The following PER1 variants were observed in gnomAD, a reference collection of about 807,000 sequenced individuals.
PER1 encodes period circadian protein homolog 1.
A neutral mutation model predicts 125.9 loss-of-function variants in PER1; 87 were observed. That is an observed-to-expected ratio of 0.69 (90% CI 0.58 to 0.83). The LOEUF (loss-of-function observed/expected upper bound fraction) is 0.83. Ranked by LOEUF, PER1 falls within the 40% of genes least tolerant of loss-of-function variation. The pLI is 0.00. For missense variants in PER1, 1,775 were observed against 1,722.8 expected (o/e 1.03, Z -0.54); for synonymous variants, 801 against 714.7 (o/e 1.12, Z -1.93).
Position 8,147,457 on chromosome 17 carries a change from C to A in PER1, c.1497+13G>T. ...TTTTCTCACCTCCCAGGCTCCCTCT[C>A]CGCTACTCTCACCTGCAGCAGCAGC... is the stretch of plus-strand genomic sequence containing the variant. On this transcript the variant is annotated intron_variant, in intron 12 of 22. Transcript: ENST00000317276. 6.2e-7 allele frequency: 1 copy of A among 1,613,410 alleles called. No individual in the cohort carries two copies. Among genetic ancestry groups the A allele is most frequent in the Non-Finnish European group, 8.5e-7 (1 of 1,179,626 alleles).
chr17:8,143,075 TCAGA>T (rs930049491), intron 19 of PER1, among the ~76,000 whole-genome samples, 187 bp downstream of exon 19: 4 of 152,174 alleles, frequency 2.6e-5, no homozygotes, highest in South Asian at 4.1e-4. Context: ...TCACCACCTG[TCAGA>T]CAGACAGGAC....
intron 1 of PER1, among the ~76,000 whole-genome samples, chr17:8,151,928 G>T (rs147464466): frequency 7.2e-5 from 11 of 152,368 alleles, no homozygotes; most frequent in Non-Finnish European, 1.5e-4. Flanking sequence ...GGATGTTCTA[G>T]TCCGAAGTGG....
At position 8,141,853 on chromosome 17, in the gene PER1, C is replaced by G. The variant is rs149340460; in HGVS notation, c.3552G>C (p.Val1184=). 1.1e-5 allele frequency: 18 copies of G among 1,614,146 alleles called. No homozygotes were observed. The highest frequency in any genetic ancestry group is 8.3e-5 in the Admixed American group (5 of 60,020). The change falls in exon 22 of 23, where the codon GTG becomes GTC. Residue 1184 remains valine (V), a synonymous_variant. Transcript: ENST00000317276. ...GTTGGCCCTTCCGGACCCAGGAGTG[C>G]ACAGCACCCAGTTCCCGCCGCTGGT... ...SEDQRRELGA[V]HSWVRKGQLP...
rs1982421832 is a variant in PER1 at position 8,146,156 on chromosome 17, C to G, written c.2039-19G>C. On this transcript the variant is annotated intron_variant, in intron 16 of 22. Coordinates refer to ENST00000317276, the MANE Select transcript of PER1 (RefSeq NM_002616.3). Reference sequence around the variant, plus strand: ...GGCGGATCTGTGCAGAGAGATGGTGCCAGTTACCATCCCCACCCCCACTGG... The same window carrying G: ...GGCGGATCTGTGCAGAGAGATGGTGGCAGTTACCATCCCCACCCCCACTGG... The G allele has an allele frequency of 6.4e-7, 1 of 1,570,088 alleles. No homozygotes were observed. Among genetic ancestry groups the G allele is most frequent in the Non-Finnish European group, 8.6e-7 (1 of 1,157,742 alleles).
chr17:8,146,908 G>C lies in PER1; in HGVS notation c.1724C>G (p.Pro575Arg), dbSNP rs1161571117. ...CATCATCAACTCACCAGGGAGGCGG[G>C]GCCGGGACTGAGGCCGGGCCCGAGA... ...IESRARPQSR[P>R]RLPATGTFKA... The change falls in exon 14 of 23, where the codon CCC becomes CGC. Residue 575 changes from proline (P) to arginine (R), a missense_variant. Coordinates refer to ENST00000317276, the MANE Select transcript of PER1 (RefSeq NM_002616.3). The C allele has an allele frequency of 6.2e-7, 1 of 1,613,794 alleles. No individual in the cohort carries two copies. Among genetic ancestry groups the C allele is most frequent in the Non-Finnish European group, 8.5e-7 (1 of 1,179,882 alleles).
rs1185898390 is a variant in PER1 at position 8,147,577 on chromosome 17, C to G, written c.1390G>C (p.Ala464Pro). 1.9e-6 allele frequency: 3 copies of G among 1,613,110 alleles called. No homozygotes were observed. The highest frequency in any genetic ancestry group is 1.1e-5 in the South Asian group (1 of 91,040). ...FVLGRHKVRT[A>P]PLNEDVFTPP... ...GTGAACACGTCCTCATTCAGGGGGG[C>G]CCTGTAGAGTGAAGAGTGAATCCAG... Residue 464 changes from alanine (A) to proline (P), a missense_variant and splice_region_variant, in exon 12 of 23, where the codon GCC (alanine) becomes CCC (proline). Transcript: ENST00000317276.
At chr17:8,147,945 C>T (rs886204853) in intron 10 of PER1, 52 bp downstream of exon 10, 78 of 1,584,302 alleles carry the variant, frequency 4.9e-5, no homozygotes, top group Non-Finnish European at 6.7e-5. Flanking sequence ...CAAGGGCAGC[C>T]ACTCAAAAGC....
In PER1 at chr17:8,149,724, G is replaced by A. The variant is rs200671404; in HGVS notation, c.651+31C>T. 198 of 1,612,756 alleles carry A rather than the reference G, an allele frequency of 1.2e-4. No individual in the cohort carries two copies. The African/African-American group carries it at 1.8e-3, about 15-fold the overall frequency. On this transcript the variant is annotated intron_variant, in intron 5 of 22. Coordinates refer to ENST00000317276, the MANE Select transcript of PER1 (RefSeq NM_002616.3). ...GCTGTGGGAGAAGGAGTAGGGGTGC[G>A]TCGGGATGCAGAGGCCAGGCCGCCG...
rs780840406 is a variant in PER1 at position 8,146,531 on chromosome 17, G to A, written c.1908-29C>T. 10 of 1,607,034 alleles carry A rather than the reference G, an allele frequency of 6.2e-6. No homozygotes were observed. The South Asian group carries it at 1.0e-4, about 16-fold the overall frequency. On this transcript the variant is annotated intron_variant, in intron 15 of 22. Coordinates refer to ENST00000317276, the MANE Select transcript of PER1 (RefSeq NM_002616.3). Reference sequence around the variant, plus strand: ...GGGATGGACACAGCACAGGGCATCAGAGCAGGGCTTGGGGTGGGCAGGGTT... The same window carrying A: ...GGGATGGACACAGCACAGGGCATCAAAGCAGGGCTTGGGGTGGGCAGGGTT...
intron 22 of PER1, 101 bp downstream of exon 22, chr17:8,141,704 T>G (rs1226824481): frequency 9.7e-7 from 1 of 1,031,062 alleles, no homozygotes; most frequent in African/African-American, 2.3e-5. Context: ...GAACTTGAGC[T>G]CAATTCTTTT....
At chr17:8,145,143 T>C in intron 17 of PER1, 150 bp from the exon 18 acceptor site, 1 of 804,576 alleles carries the variant, frequency 1.2e-6, no homozygotes, top group South Asian at 4.2e-5. Context: ...CTTGGTCACC[T>C]CTCTGCCAAC....
rs1184450449 is a variant in PER1, at chr17:8,146,777, A to C, written c.1736-12T>G. ...GAACGTGCCTGTAGCTGGGGCAAAG[A>C]GAGAAAGAGGAAAATAGCCTTCTCA... On this transcript the variant is annotated splice_polypyrimidine_tract_variant and intron_variant, in intron 14 of 22. Coordinates refer to ENST00000317276, the MANE Select transcript of PER1 (RefSeq NM_002616.3). 3 of 1,608,886 alleles carry C rather than the reference A, an allele frequency of 1.9e-6. No homozygotes were observed. The highest frequency in any genetic ancestry group is 2.5e-6 in the Non-Finnish European group (3 of 1,177,946).
intron 15 of PER1, 45 bp downstream of exon 15, chr17:8,146,549 G>A: frequency 6.2e-7 from 1 of 1,602,686 alleles, no homozygotes; most frequent in Non-Finnish European, 8.5e-7. Flanking sequence ...CTTGGGGTGG[G>A]CAGGGTTAGA....
Position 8,142,721 on chromosome 17 carries a change from A to G in PER1, c.3187T>C (p.Leu1063=), listed in dbSNP as rs768964805. The G allele has an allele frequency of 4.3e-6, 7 of 1,614,034 alleles. No homozygotes were observed. In the Admixed American group the frequency reaches 5.0e-5, roughly 12 times the overall value. ...GACCCAGAGCCCAAGCCAGAGCCCA[A>G]GGAGCCCGAGGCTGCGGAGCCTGTG... ...SGTGSAASGS[L]GSGLGSGSGS... Residue 1063 remains leucine, a synonymous_variant, in exon 20 of 23, where the codon TTG becomes CTG. Transcript: ENST00000317276.
At position 8,144,861 on chromosome 17, in the gene PER1, G is replaced by C. The variant is rs1170636878; in HGVS notation, c.2351C>G (p.Ser784Cys). The C allele has an allele frequency of 5.0e-6, 8 of 1,584,386 alleles. No homozygotes were observed. The highest frequency in any genetic ancestry group is 1.7e-4 in the Middle Eastern group (1 of 5,958). ...TTGCTCTTCCTTCTGTGTGTGCAGG[G>C]ACAGCACGGCCTTGGTCAGCCCCAC... is the stretch of plus-strand genomic sequence containing the variant. ...RPVGLTKAVL[S>C]LHTQKEEQAF... The change falls in exon 18 of 23, where the codon TCC becomes TGC. Residue 784 changes from serine (S) to cysteine (C), a missense_variant. Transcript: ENST00000317276.
rs199916672 is a variant in PER1, at chr17:8,141,173, G to A, written c.3768C>T (p.Gly1256=). 173 of 1,614,108 alleles carry A rather than the reference G, an allele frequency of 1.1e-4. 3 individuals are homozygous for A. The South Asian group carries it at 1.6e-3, about 15-fold the overall frequency. ...CCTGAGAGCTTGAAGCCTTGGCCCC[G>A]CCTTGGGCCTCCTCGCAGCCCTCTC... ...GEGEGCEEAQ[G]GAKASSSQDL... Residue 1256 remains glycine (G), a synonymous_variant, in exon 23 of 23, where the codon GGC becomes GGT. Coordinates refer to ENST00000317276, the MANE Select transcript of PER1 (RefSeq NM_002616.3).
chr17:8,144,657 C>G (rs1293576767), intron 18 of PER1, 94 bp downstream of exon 18: 1 of 1,489,424 alleles, frequency 6.7e-7, no homozygotes. Flanking sequence ...AGCCTGGGTC[C>G]CTGGAGCAGA....
chr17:8,147,210 A>T, intron 13 of PER1, 40 bp downstream of exon 13: 1 of 1,572,182 alleles, frequency 6.4e-7, no homozygotes, highest in Non-Finnish European at 8.6e-7. Context: ...AGGAGAGGGG[A>T]AAGGGCGATT....
chr17:8,150,984 T>A, intron 1 of PER1, 139 bp from the exon 2 acceptor site: 1 of 444,310 alleles, frequency 2.3e-6, no homozygotes, highest in African/African-American at 2.0e-5. Flanking sequence ...GGGCTTCCAA[T>A]GGGGAGTCAG....
Sources: gnomAD v4.1 joint callset for allele counts (sites outside exome capture counted in the v4.1 genomes callset) on GRCh38, gnomAD v4.1.1 for gene constraint, MANE v1.5 for transcripts, NCBI Gene and HGNC (gene_info 2026-07-23, HGNC 2026-07-21) for gene names.